TMEM255B: variants seen among roughly 807,000 people sequenced by gnomAD.
TMEM255B encodes family with sequence similarity 70, member B.
TMEM255B carries 35 observed loss-of-function variants against 34.5 expected under a neutral mutation model. The ratio of observed to expected loss-of-function variants is 1.01; its 90% confidence interval spans 0.77 to 1.34. The LOEUF (loss-of-function observed/expected upper bound fraction) is 1.34. TMEM255B is among the 40% of genes most tolerant of loss of function. The pLI is 0.00. For synonymous variants in TMEM255B, 206 were observed against 201.2 expected (o/e 1.02, Z -0.20); for missense variants, 432 against 433.2 (o/e 1.00, Z 0.02).
Position 113,799,321 on chromosome 13 carries a change from G to A in TMEM255B, c.343-18G>A. ...GAGGCACCTGTTTTATTCCATCTGT[G>A]TTTATCTGTTTCTCTAGGAACCGAG... On this transcript the variant is annotated intron_variant, in intron 4 of 8. Transcript: ENST00000375353. 2 of 1,613,316 alleles carry A rather than the reference G, an allele frequency of 1.2e-6. No individual in the cohort carries two copies. Among genetic ancestry groups the A allele is most frequent in the Admixed American group, 1.7e-5 (1 of 59,976 alleles).
intron 5 of TMEM255B, among the ~76,000 whole-genome samples, chr13:113,800,603 C>T (rs1028619359): frequency 7.2e-5 from 11 of 152,104 alleles, no homozygotes; most frequent in Admixed American, 5.9e-4. Flanking sequence ...CCCGATTATC[C>T]GGCCTCTGGG....
chr13:113,784,532 G>A (rs1439586304), intron 3 of TMEM255B, among the ~76,000 whole-genome samples: 1 of 152,050 alleles, frequency 6.6e-6, no homozygotes, highest in Non-Finnish European at 1.5e-5. Context: ...AGAAGGATAT[G>A]AAGAGGAAGA....
chr13:113,759,301 T>G lies in TMEM255B; in HGVS notation c.32T>G (p.Leu11Arg), dbSNP rs2050252682. 1 of 1,229,282 alleles carries G rather than the reference T, an allele frequency of 8.1e-7. No individual in the cohort carries two copies. Among genetic ancestry groups the G allele is most frequent in the Non-Finnish European group, 1.0e-6 (1 of 986,462 alleles). The allele number at this position is 1,229,282 out of a possible 1,614,324, so 76.1% of individuals were successfully genotyped here. A position where few individuals can be genotyped will look rare whatever the true frequency, so the allele number is the denominator to read the frequency against. Residue 11 changes from leucine (L) to arginine (R), a missense_variant, in exon 1 of 9, where the codon CTG becomes CGG. By Grantham distance (102) the Leu-to-Arg change is moderately radical. Coordinates refer to ENST00000375353, the MANE Select transcript of TMEM255B (RefSeq NM_182614.4). ...CCGCCGGTGCCCGGGCCCCTGGGCC[T>G]GCTGGACCCCGCAGGTGAGCGCGGG... MQPPVPGPLG[L>R]LDPAEGLSRR...
In TMEM255B at chr13:113,795,192, C is replaced by T; in HGVS notation, c.297C>T (p.Ala99=). 6.2e-7 allele frequency: 1 copy of T among 1,613,980 alleles called. No individual in the cohort carries two copies. Among genetic ancestry groups the T allele is most frequent in the Non-Finnish European group, 8.5e-7 (1 of 1,179,988 alleles). The change falls in exon 4 of 9, where the codon GCC becomes GCT. Residue 99 remains alanine (A), a synonymous_variant. Transcript: ENST00000375353. ...TTATCAGTTTTGGCGTGGTGGCCGCCTTCTGCTGCGCCATCGTGGACGGCG... is the reference window on the plus strand; with the variant it reads ...TTATCAGTTTTGGCGTGGTGGCCGCTTTCTGCTGCGCCATCGTGGACGGCG... ...IVFISFGVVA[A]FCCAIVDGVF...
At position 113,814,647 on chromosome 13, in the gene TMEM255B, CAT is replaced by C. The variant is rs927922565; in HGVS notation, c.*2745_*2746del. 2.2e-4 allele frequency: 33 copies of C among 152,402 alleles called. No individual in the cohort carries two copies. The highest frequency in any genetic ancestry group is 3.4e-3 in the Middle Eastern group (1 of 294). 9.4% of individuals were successfully genotyped at this position (152,402 alleles called of 1,614,324 possible). ...GGCTGCTCTCGAGGTGCACCTGTCT[CAT>C]GTGGACGGATCCTGTCTGGGGCCAC... On this transcript the variant is annotated 3_prime_UTR_variant, in exon 9 of 9. Coordinates refer to ENST00000375353, the MANE Select transcript of TMEM255B (RefSeq NM_182614.4).
At chr13:113,787,324 C>G (rs2050761696) in intron 3 of TMEM255B, among the ~76,000 whole-genome samples, 1 of 152,138 alleles carries the variant, frequency 6.6e-6, no homozygotes, top group South Asian at 2.1e-4. Flanking sequence ...TAAAATAATG[C>G]CTGATTGGTT....
intron 3 of TMEM255B, among the ~76,000 whole-genome samples, chr13:113,790,596 A>T (rs2050815842): frequency 6.9e-6 from 1 of 145,726 alleles, no homozygotes; most frequent in Non-Finnish European, 1.5e-5. Context: ...CTGACCGGAC[A>T]CGTAGACATC....
rs1044688344 is a variant in TMEM255B at position 113,788,556 on chromosome 13, C to A, written c.253-6592C>A. On this transcript the variant is annotated intron_variant, in intron 3 of 8. Transcript: ENST00000375353. Reference sequence around the variant, plus strand: ...CTGTGTCTCCTCCTGCCACACGTGGCCATCCTAGTGCTGGATTTATGGCGT... The same window carrying A: ...CTGTGTCTCCTCCTGCCACACGTGGACATCCTAGTGCTGGATTTATGGCGT... 3.3e-5 allele frequency among the ~76,000 whole-genome samples: 5 copies of A among 152,202 alleles called. No homozygotes were observed. In the East Asian group the frequency reaches 5.8e-4, roughly 18 times the overall value.
Position 113,809,390 on chromosome 13 carries a change from A to G in TMEM255B, c.814-2346A>G, listed in dbSNP as rs1318654999. ...GTTACTCTGTGGTTCCTGGGAGTTT[A>G]CTCTGTGGTTCCTGGATGTTTACTC... On this transcript the variant is annotated intron_variant, in intron 8 of 8. Coordinates refer to ENST00000375353, the MANE Select transcript of TMEM255B (RefSeq NM_182614.4). Among the ~76,000 whole-genome samples, 2 of 79,586 alleles carry G rather than the reference A, an allele frequency of 2.5e-5. 1 individual carries two copies. Among genetic ancestry groups the G allele is most frequent in the African/African-American group, 1.1e-4 (2 of 17,794 alleles). The allele number at this position is 79,586 out of a possible 152,430, so 52.2% of individuals were successfully genotyped here. A position where few individuals can be genotyped will look rare whatever the true frequency, so the allele number is the denominator to read the frequency against.
chr13:113,808,801 G>GGGT (rs140180986), intron 8 of TMEM255B, among the ~76,000 whole-genome samples: 2 of 102,932 alleles, frequency 1.9e-5, no homozygotes, highest in Non-Finnish European at 3.7e-5. Context: ...CTGGGGGGGG[G>GGGT]GTTACTCCAT....
At chr13:113,781,820 G>T (rs751718246) in intron 3 of TMEM255B, among the ~76,000 whole-genome samples, 69 of 152,158 alleles carry the variant, frequency 4.5e-4, no homozygotes, top group Non-Finnish European at 7.8e-4. Flanking sequence ...GCTACCACAT[G>T]CCTTGACTTT....
Position 113,776,018 on chromosome 13 carries a change from C to T in TMEM255B, c.252+6858C>T, listed in dbSNP as rs191803226. 1.2e-4 allele frequency among the ~76,000 whole-genome samples: 18 copies of T among 152,308 alleles called. 1 individual carries two copies. In the East Asian group the frequency reaches 3.1e-3, roughly 26 times the overall value. ...GCTGAAGCTGAGTCTTCCGGGCCGC[C>T]CCTCCTGGACCGTGGTGGGACCTGC... On this transcript the variant is annotated intron_variant, in intron 3 of 8. Transcript: ENST00000375353.
At chr13:113,774,773 CACACAAT>C (rs1212390794) in intron 3 of TMEM255B, among the ~76,000 whole-genome samples, 3 of 110,320 alleles carry the variant, frequency 2.7e-5, no homozygotes, top group Non-Finnish European at 6.1e-5. Flanking sequence ...CCACACACAA[CACACAAT>C]ACACAATACA....
At chr13:113,810,724 C>T (rs1434690165) in intron 8 of TMEM255B, among the ~76,000 whole-genome samples, 3 of 152,128 alleles carry the variant, frequency 2.0e-5, no homozygotes, top group Middle Eastern at 3.2e-3. Context: ...GAGGAGGGGC[C>T]GTCCGTGTCC....
chr13:113,779,888 C>T (rs750192510), intron 3 of TMEM255B, among the ~76,000 whole-genome samples: 1 of 152,162 alleles, frequency 6.6e-6, no homozygotes, highest in East Asian at 1.9e-4. Context: ...TTTTCTCTCT[C>T]CAGTTTTCCA....
intron 3 of TMEM255B, among the ~76,000 whole-genome samples, chr13:113,793,421 G>A (rs1048394637): frequency 8.0e-5 from 12 of 150,084 alleles, no homozygotes; most frequent in Admixed American, 4.0e-4. Flanking sequence ...GCAGGTGGGA[G>A]AACCATCTCT....
intron 3 of TMEM255B, among the ~76,000 whole-genome samples, chr13:113,791,713 A>T (rs1352399094): frequency 6.6e-6 from 1 of 152,244 alleles, no homozygotes; most frequent in Non-Finnish European, 1.5e-5. Flanking sequence ...GGGTCGAGCG[A>T]AAGAACTTTG....
In TMEM255B at chr13:113,804,790, C is replaced by G. The variant is rs373959830; in HGVS notation, c.670-95C>G. The G allele has an allele frequency of 2.3e-5, 26 of 1,154,650 alleles. No individual in the cohort carries two copies. In the East Asian group the frequency reaches 2.4e-4, roughly 11 times the overall value. 71.5% of individuals were successfully genotyped at this position (1,154,650 alleles called of 1,614,324 possible). A position where few individuals can be genotyped will look rare whatever the true frequency, so the allele number is the denominator to read the frequency against. On this transcript the variant is annotated intron_variant, in intron 7 of 8. Transcript: ENST00000375353. The stretch of plus-strand genomic sequence containing the variant: ...CCGGGGTTAGTTCCAGCCTGAGAGT[C>G]GGGGGTCGAGGGTGCTGGGCTTTCT...
Position 113,812,090 on chromosome 13 carries a change from C to T in TMEM255B, c.*187C>T. 1 of 717,442 alleles carries T rather than the reference C, an allele frequency of 1.4e-6. No individual in the cohort carries two copies. Among genetic ancestry groups the T allele is most frequent in the Non-Finnish European group, 2.2e-6 (1 of 448,986 alleles). The allele number at this position is 717,442 out of a possible 1,614,324, so 44.4% of individuals were successfully genotyped here. On this transcript the variant is annotated 3_prime_UTR_variant, in exon 9 of 9. Transcript: ENST00000375353. ...GAACCAGGCAGGGAGTGGGGCCCTCCAGACCCAGGCTGGTGACACCTTGGC... is the reference window on the plus strand; with the variant it reads ...GAACCAGGCAGGGAGTGGGGCCCTCTAGACCCAGGCTGGTGACACCTTGGC...
Sources: allele counts gnomAD v4.1 joint callset (sites outside exome capture counted in the v4.1 genomes callset), GRCh38; gene constraint gnomAD v4.1.1; transcripts MANE v1.5; gene names NCBI Gene and HGNC (gene_info 2026-07-23, HGNC 2026-07-21).